UTRN: variants seen among roughly 807,000 people sequenced by gnomAD.
UTRN encodes the protein utrophin.
UTRN carries 283 observed loss-of-function variants against 463.9 expected under a neutral mutation model. The observed-to-expected ratio is 0.61, with a 90% CI of 0.55 to 0.67. The LOEUF (loss-of-function observed/expected upper bound fraction) is 0.67. UTRN is among the 30% of genes least tolerant of loss of function. UTRN has a pLI of 0.00. For synonymous variants in UTRN, 1,442 were observed against 1,431.5 expected (o/e 1.01, Z -0.17); for missense variants, 3,922 against 4,084.3 (o/e 0.96, Z 1.08).
intron 2 of UTRN, among the ~76,000 whole-genome samples, chr6:144,341,474 A>T (rs2114630745): frequency 6.6e-6 from 1 of 152,276 alleles, no homozygotes; most frequent in Middle Eastern, 3.4e-3. Flanking sequence ...TTTGATGTTG[A>T]TTTGTTTGAA....
Position 144,551,013 on chromosome 6 carries a change from T to G in UTRN, c.6859T>G (p.Phe2287Val). ...GCGCCATCCTCAGCTGGATTATGTT[T>G]TTACATTGGCACAGAATTTGAAAAA... ...EQRHPQLDYV[F>V]TLAQNLKNKA... Residue 2287 changes from phenylalanine to valine, a missense_variant, in exon 48 of 75, where the codon TTT becomes GTT. Coordinates refer to ENST00000367545, the MANE Select transcript of UTRN (RefSeq NM_007124.3). The G allele has an allele frequency of 1.2e-6, 2 of 1,612,734 alleles. No homozygotes were observed. The highest frequency in any genetic ancestry group is 8.5e-7 in the Non-Finnish European group (1 of 1,179,654).
Position 144,840,779 on chromosome 6 carries a change from C to T in UTRN, c.10217C>T (p.Thr3406Met), listed in dbSNP as rs138733008. The part of the protein sequence containing the change: ...DLLAPPHDTS[T>M]DLTEVMEQIH... ...CTGGCCCCACCGCACGACACCAGCA[C>T]GGATCTCACGGAGGTCATGGAGCAG... The change falls in exon 73 of 75, where the codon ACG becomes ATG. Residue 3406 changes from threonine (T) to methionine (M), a missense_variant. Thr to Met is a moderately conservative substitution (Grantham distance 81). Around this residue, in one of 3 missense-constraint regions of UTRN, gnomAD observed 1,309 missense variants for 1,452.6 expected, o/e 0.90. Transcript: ENST00000367545. The T allele has an allele frequency of 3.7e-5, 60 of 1,613,948 alleles. No individual in the cohort carries two copies. The highest frequency in any genetic ancestry group is 3.6e-5 in the Non-Finnish European group (43 of 1,179,994).
intron 2 of UTRN, among the ~76,000 whole-genome samples, chr6:144,376,799 C>T (rs987525334): frequency 1.3e-5 from 2 of 151,700 alleles, no homozygotes; most frequent in Admixed American, 6.6e-5. Flanking sequence ...ATTCTTTTAC[C>T]AAGATTTCAC....
chr6:144,330,128 G>C (rs998100774), intron 2 of UTRN, among the ~76,000 whole-genome samples: 1 of 152,196 alleles, frequency 6.6e-6, no homozygotes, highest in Admixed American at 6.5e-5. Flanking sequence ...CCTTCTTGAG[G>C]AATCTATTCA....
At chr6:144,615,175 G>A (rs755516506) in intron 51 of UTRN, among the ~76,000 whole-genome samples, 3 of 152,206 alleles carry the variant, frequency 2.0e-5, no homozygotes, top group Non-Finnish European at 2.9e-5. Flanking sequence ...CAAAGCACTA[G>A]ATCTGTAGTT....
intron 34 of UTRN, among the ~76,000 whole-genome samples, chr6:144,501,522 T>C (rs780711650): frequency 3.3e-5 from 5 of 152,188 alleles, no homozygotes; most frequent in Non-Finnish European, 7.4e-5. Flanking sequence ...TTGTAACTAG[T>C]ATTTATTGAC....
chr6:144,485,968 G>A (rs756369237), intron 28 of UTRN, among the ~76,000 whole-genome samples: 18 of 152,196 alleles, frequency 1.2e-4, no homozygotes, highest in African/African-American at 3.6e-4. Context: ...GGATCTTGTC[G>A]TAGGAGCTTG....
chr6:144,821,153 T>C, intron 66 of UTRN, 135 bp downstream of exon 66: 1 of 1,127,214 alleles, frequency 8.9e-7, no homozygotes, highest in Non-Finnish European at 1.2e-6. Flanking sequence ...GGAATCAGTC[T>C]TCACAACATG....
intron 23 of UTRN, among the ~76,000 whole-genome samples, chr6:144,472,914 G>A (rs1790813344): frequency 6.6e-6 from 1 of 151,930 alleles, no homozygotes; most frequent in Non-Finnish European, 1.5e-5. Context: ...GACTACAGGT[G>A]CCCCACCACG....
chr6:144,560,894 A>G (rs1289480852), intron 50 of UTRN, among the ~76,000 whole-genome samples: 1 of 151,946 alleles, frequency 6.6e-6, no homozygotes, highest in Non-Finnish European at 1.5e-5. Flanking sequence ...AGTTACTTTC[A>G]TAATATTAGT....
chr6:144,501,210 A>G (rs1794145659), intron 34 of UTRN, among the ~76,000 whole-genome samples: 1 of 152,224 alleles, frequency 6.6e-6, no homozygotes, highest in African/African-American at 2.4e-5. Context: ...TATGAGGGAA[A>G]TGAGCATTGC....
At chr6:144,327,808 G>A (rs914467804) in intron 2 of UTRN, among the ~76,000 whole-genome samples, 2 of 152,038 alleles carry the variant, frequency 1.3e-5, no homozygotes, top group African/African-American at 4.8e-5. Flanking sequence ...GCTGGGCATG[G>A]TGGCGGGTAC....
rs1022468166 is a variant in UTRN at position 144,403,011 on chromosome 6, C to T, written c.80-112C>T. 9 of 926,730 alleles carry T rather than the reference C, an allele frequency of 9.7e-6. No homozygotes were observed. In the East Asian group the frequency reaches 1.1e-4, roughly 11 times the overall value. 57.4% of individuals were successfully genotyped at this position (926,730 alleles called of 1,614,324 possible). On this transcript the variant is annotated intron_variant, in intron 2 of 74. Coordinates refer to ENST00000367545, the MANE Select transcript of UTRN (RefSeq NM_007124.3). ...TCCGCCTCATTGTGCTCAAGGAGCT[C>T]GACTAATAGGACTATTTTAAACTCT...
rs1283195131 is a variant in UTRN, at chr6:144,421,951, G to T, written c.215G>T (p.Gly72Val). The T allele has an allele frequency of 1.9e-6, 3 of 1,611,994 alleles. No homozygotes were observed. Among genetic ancestry groups the T allele is most frequent in the African/African-American group, 1.3e-5 (1 of 74,816 alleles). ...AGGAAGCTATTGGATCTTCTAGAAG[G>T]CCTCACAGGAACATCACTGGTGAGC... ...DGRKLLDLLE[G>V]LTGTSLPKER... is the part of the protein sequence containing the mutation. The change falls in exon 4 of 75, where the codon GGC becomes GTC. Residue 72 changes from glycine (G) to valine (V), a missense_variant. Coordinates refer to ENST00000367545, the MANE Select transcript of UTRN (RefSeq NM_007124.3).
intron 2 of UTRN, among the ~76,000 whole-genome samples, chr6:144,337,438 T>A (rs749455912): frequency 4.6e-5 from 7 of 152,228 alleles, no homozygotes; most frequent in Non-Finnish European, 7.3e-5. Context: ...AATTTAATCC[T>A]GAAATACAAC....
At chr6:144,613,037 A>G (rs1805692673) in intron 51 of UTRN, among the ~76,000 whole-genome samples, 2 of 152,114 alleles carry the variant, frequency 1.3e-5, no homozygotes, top group African/African-American at 2.4e-5. Flanking sequence ...CAAATGGTGT[A>G]AATCCTGTCA....
intron 62 of UTRN, among the ~76,000 whole-genome samples, chr6:144,789,612 A>T (rs894834793): frequency 1.3e-5 from 2 of 152,178 alleles, no homozygotes; most frequent in Admixed American, 1.3e-4. Flanking sequence ...TAATGCTGAG[A>T]TAGGTTAAGA....
chr6:144,326,667 T>C (rs7766492), intron 2 of UTRN, among the ~76,000 whole-genome samples: 1,864 of 152,312 alleles, frequency 0.012, 51 homozygotes, highest in African/African-American at 0.042. Context: ...ATGGTCTCTT[T>C]CCAACATTTT....
intron 2 of UTRN, among the ~76,000 whole-genome samples, chr6:144,357,419 G>A (rs964568356): frequency 7.2e-5 from 11 of 152,316 alleles, no homozygotes; most frequent in African/African-American, 2.6e-4. Flanking sequence ...ACTAGACTTA[G>A]AGACATTGAA....
Sources: gnomAD v4.1 joint callset for allele counts (sites outside exome capture counted in the v4.1 genomes callset) on GRCh38, gnomAD v4.1.1 for gene constraint, gnomAD v4.1.1 regional missense constraint, MANE v1.5 for transcripts, NCBI Gene and HGNC (gene_info 2026-07-23, HGNC 2026-07-21) for gene names.